Variants in CHD7 observed in about 807,000 individuals in gnomAD.
CHD7 encodes chromodomain helicase DNA binding protein 7.
Under a neutral mutation model 307.3 loss-of-function variants are expected in CHD7, and 24 were observed. The observed-to-expected ratio is 0.08, with a 90% CI of 0.06 to 0.11. CHD7 has a LOEUF of 0.11. Ranked by LOEUF, CHD7 falls within the 10% of genes least tolerant of loss-of-function variation. The probability of loss-of-function intolerance (pLI) is 1.00; values close to 1 mark genes in which losing one functional copy is unlikely to be tolerated. For synonymous variants in CHD7, 1,363 were observed against 1,349.9 expected (o/e 1.01, Z -0.21); for missense variants, 3,106 against 3,727.1 (o/e 0.83, Z 4.34).
intron 3 of CHD7, among the ~76,000 whole-genome samples, chr8:60,792,850 A>G (rs1278816224): frequency 6.6e-6 from 1 of 152,170 alleles, no homozygotes; most frequent in Non-Finnish European, 1.5e-5. Context: ...CAGTGGTTCA[A>G]CTCTTTGACA....
intron 1 of CHD7, among the ~76,000 whole-genome samples, chr8:60,683,558 T>C (rs1805734677): frequency 1.3e-5 from 2 of 152,258 alleles, no homozygotes; most frequent in African/African-American, 4.8e-5. Flanking sequence ...CATTTTATCC[T>C]TATTAGAGAA....
chr8:60,828,569 AG>A, intron 13 of CHD7, 93 bp from the exon 14 acceptor site: 1 of 1,139,080 alleles, frequency 8.8e-7, no homozygotes, highest in Non-Finnish European at 1.2e-6. Context: ...GTAGATGAGT[AG>A]GAGTAGAACA....
chr8:60,750,000 G>C (rs1444548906), intron 2 of CHD7, among the ~76,000 whole-genome samples: 1 of 152,144 alleles, frequency 6.6e-6, no homozygotes, highest in East Asian at 1.9e-4. Flanking sequence ...AATTATACCA[G>C]GTGTCAAGTT....
intron 19 of CHD7, among the ~76,000 whole-genome samples, chr8:60,839,662 C>T (rs1804883768): frequency 6.6e-6 from 1 of 152,152 alleles, no homozygotes; most frequent in African/African-American, 2.4e-5. Context: ...GGTCATATCC[C>T]ACTCTGGTTT....
intron 2 of CHD7, among the ~76,000 whole-genome samples, chr8:60,754,451 A>T (rs982661942): frequency 2.0e-5 from 3 of 152,228 alleles, no homozygotes; most frequent in African/African-American, 7.2e-5. Context: ...TGTAGTGATT[A>T]TCAAAATGAG....
At position 60,853,120 on chromosome 8, in the gene CHD7, C is replaced by A. The variant is rs761209237; in HGVS notation, c.6395C>A (p.Ala2132Asp). 1 of 1,613,952 alleles carries A rather than the reference C, an allele frequency of 6.2e-7. No individual in the cohort carries two copies. Among genetic ancestry groups the A allele is most frequent in the Non-Finnish European group, 8.5e-7 (1 of 1,179,884 alleles). ...LSFLDAHKNF[A>D]QNRGAGNTSS... The stretch of plus-strand genomic sequence containing the variant: ...TTCTTGGATGCACATAAAAACTTTG[C>A]TCAAAACAGAGGGGCAGGTAATACA... Residue 2132 changes from alanine (A) to aspartate (D), a missense_variant, in exon 31 of 38, where the codon GCT (alanine) becomes GAT (aspartate). This residue lies in a region of CHD7 where 1,030 missense variants were observed against 1,165.4 expected (regional missense o/e 0.88). Transcript: ENST00000423902.
chr8:60,739,521 T>C (rs922105242), intron 1 of CHD7, among the ~76,000 whole-genome samples: 2 of 152,230 alleles, frequency 1.3e-5, no homozygotes, highest in Admixed American at 6.5e-5. Flanking sequence ...CATGCTCACC[T>C]TATTTTCACC....
intron 2 of CHD7, among the ~76,000 whole-genome samples, chr8:60,773,257 C>A (rs1205849210): frequency 1.3e-5 from 2 of 152,112 alleles, no homozygotes; most frequent in African/African-American, 4.8e-5. Flanking sequence ...TTGTTTCTTC[C>A]CTGCCCAGAG....
rs918223900 is a variant in CHD7, at chr8:60,853,302, G to A, written c.6577G>A (p.Glu2193Lys). The change falls in exon 31 of 38, where the codon GAA (glutamate) becomes AAA (lysine). Residue 2193 changes from glutamate to lysine, a missense_variant. Transcript: ENST00000423902. Reference sequence around the variant, plus strand: ...GGAGAAATGTGAGGGCAAAGAAGAGGAAGAAGAAACCGATGGCAGCGGGAA... The same window carrying A: ...GGAGAAATGTGAGGGCAAAGAAGAGAAAGAAGAAACCGATGGCAGCGGGAA... ...AKEKCEGKEE[E>K]EETDGSGKES... 7.5e-5 allele frequency: 121 copies of A among 1,606,618 alleles called. No individual in the cohort carries two copies. Among genetic ancestry groups the A allele is most frequent in the Non-Finnish European group, 9.9e-5 (116 of 1,175,612 alleles).
chr8:60,798,101 G>A (rs962985254), intron 4 of CHD7, among the ~76,000 whole-genome samples: 2 of 152,222 alleles, frequency 1.3e-5, no homozygotes, highest in Admixed American at 6.5e-5. Flanking sequence ...CATGATAAGA[G>A]TCGGGGCAAG....
chr8:60,718,717 C>T (rs533901225), intron 1 of CHD7, among the ~76,000 whole-genome samples: 2 of 152,204 alleles, frequency 1.3e-5, no homozygotes, highest in African/African-American at 4.8e-5. Context: ...TCATTATAGC[C>T]TAGGTGTACA....
At chr8:60,847,602 G>C (rs571728489) in intron 23 of CHD7, among the ~76,000 whole-genome samples, 4 of 152,296 alleles carry the variant, frequency 2.6e-5, no homozygotes, top group South Asian at 2.1e-4. Flanking sequence ...TGCGATTCAC[G>C]TATCAGTCCT....
chr8:60,838,352 A>G, intron 19 of CHD7, 97 bp downstream of exon 19: 1 of 1,002,186 alleles, frequency 1.0e-6, no homozygotes, highest in Non-Finnish European at 1.5e-6. Flanking sequence ...TGCATTGGGA[A>G]TTAATCAAAT....
At chr8:60,681,357 C>T (rs928478755) in intron 1 of CHD7, among the ~76,000 whole-genome samples, 1 of 152,160 alleles carries the variant, frequency 6.6e-6, no homozygotes, top group Non-Finnish European at 1.5e-5. Context: ...AACAGAAGCC[C>T]TCCAGTCTTT....
At chr8:60,762,789 C>T (rs2150624806) in intron 2 of CHD7, among the ~76,000 whole-genome samples, 1 of 152,280 alleles carries the variant, frequency 6.6e-6, no homozygotes, top group South Asian at 2.1e-4. Flanking sequence ...TGGGCACATA[C>T]ATTCTATAGG....
chr8:60,754,033 C>T (rs1375385859), intron 2 of CHD7, among the ~76,000 whole-genome samples: 1 of 152,138 alleles, frequency 6.6e-6, no homozygotes, highest in African/African-American at 2.4e-5. Flanking sequence ...TAAGTAAATG[C>T]AAAGAGACAA....
chr8:60,862,403 G>A (rs1004163107), intron 36 of CHD7, 67 bp downstream of exon 36: 95 of 1,529,536 alleles, frequency 6.2e-5, no homozygotes, highest in Non-Finnish European at 8.0e-5. Context: ...GTTTTATCCT[G>A]CCTTCTTCTA....
intron 37 of CHD7, chr8:60,863,607 A>G (rs920540123): frequency 7.9e-5 from 12 of 152,186 alleles, no homozygotes; most frequent in African/African-American, 2.7e-4. Context: ...TACATTTTCC[A>G]TATTTCAAAA....
intron 13 of CHD7, among the ~76,000 whole-genome samples, chr8:60,825,975 C>G (rs1478149868): frequency 6.6e-6 from 1 of 152,112 alleles, no homozygotes; most frequent in Non-Finnish European, 1.5e-5. Context: ...TCTCCTAATG[C>G]TATCCCTCCC....
Sources: gnomAD v4.1 joint callset for allele counts (sites outside exome capture counted in the v4.1 genomes callset) on GRCh38, gnomAD v4.1.1 for gene constraint, gnomAD v4.1.1 regional missense constraint, MANE v1.5 for transcripts, NCBI Gene and HGNC (gene_info 2026-07-23, HGNC 2026-07-21) for gene names.